Variants in AFG2B observed in about 807,000 individuals in gnomAD.
The protein encoded by AFG2B is ATPase family gene 2 protein homolog B.
the AFG2B span, among the ~76,000 whole-genome samples, chr15:45,419,986 T>TC: frequency 0.011 from 554 of 49,226 alleles, 24 homozygotes; most frequent in African/African-American, 0.014. Context: ...CAAGACTCTG[T>TC]CCCCCCCCCC....
the AFG2B span, chr15:45,418,764 A>G: frequency 1.9e-6 from 3 of 1,547,248 alleles, no homozygotes; most frequent in Non-Finnish European, 2.6e-6. Flanking sequence ...AGTATTTACT[A>G]AAAGCCTGTG....
At chr15:45,404,966 T>A in the AFG2B span, among the ~76,000 whole-genome samples, 20 of 152,180 alleles carry the variant, frequency 1.3e-4, no homozygotes, top group Non-Finnish European at 2.6e-4. Context: ...GCATACAATT[T>A]GTAATTATCA....
At chr15:45,417,515 C>A in the AFG2B span, 1 of 994,420 alleles carries the variant, frequency 1.0e-6, no homozygotes, top group Non-Finnish European at 1.4e-6. Flanking sequence ...TGCCTGGTGG[C>A]CTTTCATGAC....
At chr15:45,418,590 A>C in the AFG2B span, 1 of 1,613,244 alleles carries the variant, frequency 6.2e-7, no homozygotes, top group Non-Finnish European at 8.5e-7. Flanking sequence ...CTGTACAAAA[A>C]CCATGCCAAT....
chr15:45,418,379 TA>T, the AFG2B span, among the ~76,000 whole-genome samples: 1 of 151,810 alleles, frequency 6.6e-6, no homozygotes, highest in Non-Finnish European at 1.5e-5. Flanking sequence ...ATAAGTTTTT[TA>T]TGATGTCGTT....
chr15:45,405,196 AC>A, the AFG2B span: 1 of 931,992 alleles, frequency 1.1e-6, no homozygotes, highest in Non-Finnish European at 1.6e-6. Flanking sequence ...CTCACCCCCA[AC>A]CCTTCCCAGT....
the AFG2B span, among the ~76,000 whole-genome samples, chr15:45,406,358 T>C: frequency 6.6e-6 from 1 of 152,220 alleles, no homozygotes; most frequent in Non-Finnish European, 1.5e-5. Flanking sequence ...AAGTTAACTT[T>C]GATTTCTTGG....
At chr15:45,402,915 C>G in the AFG2B span, 40 of 1,598,124 alleles carry the variant, frequency 2.5e-5, no homozygotes, top group Middle Eastern at 3.3e-4. Context: ...TGGTGGCTGC[C>G]TTGCACATCG....
At chr15:45,407,589 A>G in the AFG2B span, among the ~76,000 whole-genome samples, 70 of 152,356 alleles carry the variant, frequency 4.6e-4, no homozygotes, top group African/African-American at 1.7e-3. Flanking sequence ...AGAAATGAAG[A>G]TAGAAAATTA....
At chr15:45,402,455 C>T in the AFG2B span, 732 of 1,606,090 alleles carry the variant, frequency 4.6e-4, 1 homozygote, top group Non-Finnish European at 5.1e-4. Flanking sequence ...GATCCCTTCC[C>T]TGAAGGGCCG....
the AFG2B span, among the ~76,000 whole-genome samples, chr15:45,406,051 A>G: frequency 6.6e-6 from 1 of 152,178 alleles, no homozygotes; most frequent in Non-Finnish European, 1.5e-5. Flanking sequence ...CTGAAAAACA[A>G]GGACCTTAAC....
At chr15:45,403,430 G>C in the AFG2B span, 2 of 1,609,608 alleles carry the variant, frequency 1.2e-6, no homozygotes. Context: ...GGCGCCAGTG[G>C]GGACCGCGAG....
At chr15:45,417,790 G>A in the AFG2B span, 2 of 158,874 alleles carry the variant, frequency 1.3e-5, no homozygotes, top group South Asian at 1.9e-4. Context: ...TTTGTTGTCC[G>A]TAAAGTACGG....
At chr15:45,403,860 G>A in the AFG2B span, among the ~76,000 whole-genome samples, 1 of 152,156 alleles carries the variant, frequency 6.6e-6, no homozygotes, top group Non-Finnish European at 1.5e-5. Flanking sequence ...GAGAATTTTG[G>A]TCACCTACAA....
the AFG2B span, among the ~76,000 whole-genome samples, chr15:45,408,700 A>G: frequency 1.3e-5 from 2 of 152,140 alleles, no homozygotes; most frequent in Non-Finnish European, 2.9e-5. Flanking sequence ...ATCTGTGGGG[A>G]GACACTTTGA....
the AFG2B span, among the ~76,000 whole-genome samples, chr15:45,409,358 CAG>C: frequency 4.3e-5 from 6 of 140,784 alleles, no homozygotes; most frequent in Non-Finnish European, 7.5e-5. Context: ...ACCTGGGTGA[CAG>C]AGTGAGACCC....
At chr15:45,413,825 CAG>C in the AFG2B span, among the ~76,000 whole-genome samples, 1 of 152,178 alleles carries the variant, frequency 6.6e-6, no homozygotes, top group African/African-American at 2.4e-5. Flanking sequence ...ACCTCATTAG[CAG>C]TAAGACCTAG....
At chr15:45,408,102 A>G in the AFG2B span, among the ~76,000 whole-genome samples, 1 of 152,254 alleles carries the variant, frequency 6.6e-6, no homozygotes, top group Non-Finnish European at 1.5e-5. Context: ...GAAAAGACCA[A>G]CAGTCCAAGA....
chr15:45,411,142 C>T, the AFG2B span, among the ~76,000 whole-genome samples: 1 of 151,878 alleles, frequency 6.6e-6, no homozygotes, highest in Admixed American at 6.6e-5. Context: ...GCAGAGGTTG[C>T]AGTGAGCCAA....
Sources: gnomAD v4.1 joint callset for allele counts (sites outside exome capture counted in the v4.1 genomes callset) on GRCh38, gnomAD v4.1.1 for gene constraint, MANE v1.5 for transcripts, NCBI Gene and HGNC (gene_info 2026-07-23, HGNC 2026-07-21) for gene names.